The following PPP2R2B variants were observed in gnomAD, a reference collection of about 807,000 sequenced individuals.
The protein encoded by PPP2R2B is protein phosphatase 2 regulatory subunit Bbeta.
A neutral mutation model predicts 46.0 loss-of-function variants in PPP2R2B; 5 were observed. The observed-to-expected ratio is 0.11, with a 90% CI of 0.06 to 0.23. PPP2R2B has a LOEUF of 0.23. PPP2R2B is among the 10% of genes least tolerant of loss of function. PPP2R2B has a pLI of 1.00. For synonymous variants in PPP2R2B, 215 were observed against 206.7 expected (o/e 1.04, Z -0.34); for missense variants, 367 against 575.0 (o/e 0.64, Z 3.70).
exon 1 of PPP2R2B, chr5:147,055,815 T>G: frequency 6.5e-7 from 1 of 1,540,694 alleles, no homozygotes; most frequent in Non-Finnish European, 8.7e-7. Context: ...CTCGGCCTTT[T>G]AAGCTGGCTA....
intron 2 of PPP2R2B, among the ~76,000 whole-genome samples, chr5:146,747,709 A>C (rs1408271599): frequency 6.6e-6 from 1 of 152,218 alleles, no homozygotes; most frequent in Non-Finnish European, 1.5e-5. Context: ...AGGGACACAT[A>C]ATTCCATTGT....
chr5:146,686,910 G>A, intron 5 of PPP2R2B, among the ~76,000 whole-genome samples: 1 of 151,978 alleles, frequency 6.6e-6, no homozygotes, highest in Non-Finnish European at 1.5e-5. Context: ...GCGGGAGGTT[G>A]GGGAAGAAGG....
rs1554073303 is a variant in PPP2R2B at position 146,886,368 on chromosome 5, T to TA, written c.79+169296dup. Among the ~76,000 whole-genome samples, 17 of 149,906 alleles carry TA rather than the reference T, an allele frequency of 1.1e-4. 1 individual carries two copies. In the East Asian group the frequency reaches 1.4e-3, roughly 12 times the overall value. On this transcript the variant is annotated intron_variant, in intron 1 of 8. Transcript: ENST00000336640. ...ATAAATAAATAAATAAATAAATAAA[T>TA]AATAAAACTAAAATAAAATAAAATA...
intron 1 of PPP2R2B, among the ~76,000 whole-genome samples, chr5:146,903,562 A>G: frequency 6.6e-6 from 1 of 151,888 alleles, no homozygotes; most frequent in Non-Finnish European, 1.5e-5. Context: ...CACCTGTCTA[A>G]CTTTTAAATA....
chr5:146,783,517 T>C (rs1387106860), intron 2 of PPP2R2B, among the ~76,000 whole-genome samples: 2 of 152,366 alleles, frequency 1.3e-5, no homozygotes, highest in South Asian at 2.1e-4. Flanking sequence ...TTTCTACTTA[T>C]GCTTTTTCCA....
intron 1 of PPP2R2B, among the ~76,000 whole-genome samples, chr5:146,968,464 G>A (rs776969853): frequency 1.2e-4 from 18 of 152,214 alleles, no homozygotes; most frequent in Non-Finnish European, 1.9e-4. Flanking sequence ...GCTATGTGTC[G>A]GGCTAACATG....
intron 2 of PPP2R2B, among the ~76,000 whole-genome samples, chr5:146,811,418 CCTTAGAAT>C (rs2151319384): frequency 6.6e-6 from 1 of 152,272 alleles, no homozygotes; most frequent in Non-Finnish European, 1.5e-5. Flanking sequence ...CCTTCTTGTT[CCTTAGAAT>C]CTTAGATTTG....
chr5:146,722,687 A>C (rs1483225413), intron 2 of PPP2R2B, among the ~76,000 whole-genome samples: 1 of 152,244 alleles, frequency 6.6e-6, no homozygotes, highest in Non-Finnish European at 1.5e-5. Context: ...CAGTATAAAC[A>C]ATAATGAAAA....
intron 8 of PPP2R2B, among the ~76,000 whole-genome samples, chr5:146,596,379 A>T (rs1771171569): frequency 1.4e-5 from 2 of 144,542 alleles, no homozygotes; most frequent in Non-Finnish European, 3.1e-5. Flanking sequence ...TCTTTCATTA[A>T]CTAATTTCTT....
chr5:146,794,756 G>C (rs780095401), intron 2 of PPP2R2B, among the ~76,000 whole-genome samples: 28 of 152,100 alleles, frequency 1.8e-4, no homozygotes, highest in Non-Finnish European at 3.8e-4. Flanking sequence ...TTTACTTAGG[G>C]TTTTGAAAAC....
intron 5 of PPP2R2B, among the ~76,000 whole-genome samples, chr5:146,652,998 C>T (rs183994609): frequency 3.9e-5 from 6 of 152,230 alleles, no homozygotes; most frequent in Admixed American, 3.3e-4. Flanking sequence ...AGTGACTTTG[C>T]CCTGAGAAAC....
chr5:146,846,890 A>T (rs1227908646), intron 2 of PPP2R2B, among the ~76,000 whole-genome samples: 2 of 152,094 alleles, frequency 1.3e-5, no homozygotes, highest in Admixed American at 1.3e-4. Flanking sequence ...GAGAGTGAAA[A>T]ATATTTAGAA....
At chr5:147,056,166 T>G, upstream of PPP2R2B, 3 of 990,502 alleles carry the variant, frequency 3.0e-6, no homozygotes, top group Non-Finnish European at 3.6e-6. Flanking sequence ...TGACCATCTC[T>G]TATTTAGCTG....
intron 1 of PPP2R2B, among the ~76,000 whole-genome samples, chr5:147,024,204 A>ATCTATCTATCG (rs1755423610): frequency 9.2e-6 from 1 of 108,728 alleles, no homozygotes; most frequent in Admixed American, 9.0e-5. Flanking sequence ...TCTATCTATC[A>ATCTATCTATCG]CCTACTGGTT....
At chr5:146,965,877 A>T (rs2151844978) in intron 1 of PPP2R2B, among the ~76,000 whole-genome samples, 1 of 152,338 alleles carries the variant, frequency 6.6e-6, no homozygotes, top group African/African-American at 2.4e-5. Context: ...GCATCCAGGC[A>T]AAGTGTTACT....
intron 1 of PPP2R2B, among the ~76,000 whole-genome samples, chr5:146,979,625 T>C (rs1450165439): frequency 6.6e-6 from 1 of 151,350 alleles, no homozygotes; most frequent in Non-Finnish European, 1.5e-5. Context: ...CCACAGGGGA[T>C]ACGTTCCAAG....
intron 1 of PPP2R2B, among the ~76,000 whole-genome samples, chr5:146,896,610 G>T (rs983030459): frequency 6.6e-6 from 1 of 152,072 alleles, no homozygotes; most frequent in Non-Finnish European, 1.5e-5. Context: ...AATGCCCTGT[G>T]GTGGTGAGAT....
chr5:146,616,190 G>C (rs1773153510), intron 7 of PPP2R2B, among the ~76,000 whole-genome samples: 2 of 152,098 alleles, frequency 1.3e-5, no homozygotes, highest in Non-Finnish European at 2.9e-5. Context: ...ATATGCAAAA[G>C]AATGAAACTA....
At chr5:146,974,428 G>A (rs2151850480) in intron 1 of PPP2R2B, among the ~76,000 whole-genome samples, 1 of 152,268 alleles carries the variant, frequency 6.6e-6, no homozygotes, top group Non-Finnish European at 1.5e-5. Context: ...AAGTGGCAGA[G>A]GTGGGTTTGG....
Sources: allele counts gnomAD v4.1 joint callset (sites outside exome capture counted in the v4.1 genomes callset), GRCh38; gene constraint gnomAD v4.1.1; transcripts MANE v1.5; gene names NCBI Gene and HGNC (gene_info 2026-07-23, HGNC 2026-07-21).